The following AZI2 variants were observed in gnomAD, a reference collection of about 807,000 sequenced individuals.
AZI2 encodes the protein 5-azacytidine-induced protein 2.
A neutral mutation model predicts 45.8 loss-of-function variants in AZI2; 22 were observed. The ratio of observed to expected loss-of-function variants is 0.48; its 90% CI spans 0.34 to 0.69. The LOEUF (loss-of-function observed/expected upper bound fraction) is 0.69. AZI2 is among the 30% of genes least tolerant of loss of function. The probability of loss-of-function intolerance (pLI) is 0.01; values close to 1 mark genes in which losing one functional copy is unlikely to be tolerated. For missense variants in AZI2, 417 were observed against 441.5 expected, an observed-to-expected ratio of 0.94 and a Z score of 0.50; for synonymous variants, 137 against 156.7, an observed-to-expected ratio of 0.87 and a Z score of 0.94.
intron 5 of AZI2, among the ~76,000 whole-genome samples, chr3:28,335,996 T>C (rs200613285): frequency 2.5e-4 from 38 of 152,216 alleles, no homozygotes; most frequent in East Asian, 1.2e-3. Flanking sequence ...ATTTGGTGCA[T>C]TGCTCTCACA....
At chr3:28,335,764 G>T (rs1391102866) in intron 5 of AZI2, among the ~76,000 whole-genome samples, 1 of 152,040 alleles carries the variant, frequency 6.6e-6, no homozygotes, top group African/African-American at 2.4e-5. Flanking sequence ...CAGTCAGGAA[G>T]TATGGGATGG....
intron 1 of AZI2, among the ~76,000 whole-genome samples, chr3:28,344,919 A>G (rs1704167768): frequency 6.6e-6 from 1 of 152,128 alleles, no homozygotes; most frequent in African/African-American, 2.4e-5. Flanking sequence ...AACACTGTCC[A>G]AAGACAAGCT....
In AZI2 at chr3:28,323,323, T is replaced by C. The variant is rs1703248839; in HGVS notation, c.*719A>G. On this transcript the variant is annotated 3_prime_UTR_variant, in exon 8 of 8. Transcript: ENST00000479665. The stretch of plus-strand genomic sequence containing the variant: ...AATAGTGTGTAGGGTTACAATCATT[T>C]GTTTACACCCCAGAGTTTTTCAACT... The C allele has an allele frequency of 6.6e-6, 1 of 151,296 alleles. No individual in the cohort carries two copies. The highest frequency in any genetic ancestry group is 6.6e-5 in the Admixed American group (1 of 15,056). The allele number at this position is 151,296 out of a possible 1,614,324, so 9.4% of individuals were successfully genotyped here. A position where few individuals can be genotyped will look rare whatever the true frequency, so the allele number is the denominator to read the frequency against.
At position 28,324,281 on chromosome 3, in the gene AZI2, C is replaced by CTT; in HGVS notation, c.938_939dup (p.Ala314LysfsTer113). On this transcript the variant is annotated frameshift_variant, in exon 8 of 8. Transcript: ENST00000479665. LOFTEE classifies it high-confidence loss of function. ...TTGTCTGTCCATGATTGGAGGATTG[C>CTT]TTTCTCTGATAAAACCTTTACATCT... 2 of 1,608,678 alleles carry CTT rather than the reference C, an allele frequency of 1.2e-6. No homozygotes were observed. The highest frequency in any genetic ancestry group is 1.7e-6 in the Non-Finnish European group (2 of 1,176,394).
At chr3:28,331,839 A>G in intron 6 of AZI2, 1 of 1,542,702 alleles carries the variant, frequency 6.5e-7, no homozygotes, top group Non-Finnish European at 8.8e-7. Flanking sequence ...GGGTTGAAAA[A>G]GTATATGAAC....
intron 6 of AZI2, among the ~76,000 whole-genome samples, chr3:28,328,458 G>A (rs1190188616): frequency 1.3e-5 from 2 of 151,084 alleles, no homozygotes; most frequent in Non-Finnish European, 3.0e-5. Context: ...TTATTGGTGC[G>A]AGACAGTAAA....
intron 4 of AZI2, 24 bp downstream of exon 4, chr3:28,337,913 A>T: frequency 7.3e-7 from 1 of 1,376,630 alleles, no homozygotes; most frequent in African/African-American, 1.5e-5. Context: ...CTGTTAGAAT[A>T]TTTATAACAA....
intron 7 of AZI2, chr3:28,326,455 C>CT (rs1156720374): frequency 5.3e-6 from 1 of 187,478 alleles, no homozygotes; most frequent in African/African-American, 2.5e-5. Context: ...TTGGTGTATT[C>CT]TGTAGCACTG....
At chr3:28,331,536 G>A (rs1703569077) in intron 6 of AZI2, among the ~76,000 whole-genome samples, 1 of 151,458 alleles carries the variant, frequency 6.6e-6, no homozygotes, top group Admixed American at 6.6e-5. Context: ...GCCAACCCCT[G>A]ATCTAGAAGA....
intron 1 of AZI2, 94 bp downstream of exon 1, chr3:28,348,507 A>G (rs1165690762): frequency 6.6e-6 from 1 of 152,534 alleles, no homozygotes; most frequent in Non-Finnish European, 1.5e-5. Context: ...TGAGAAAAAA[A>G]TGACGTGTCT....
intron 4 of AZI2, 45 bp downstream of exon 4, chr3:28,337,892 A>T (rs1487431979): frequency 8.1e-7 from 1 of 1,236,456 alleles, no homozygotes; most frequent in Non-Finnish European, 1.1e-6. Context: ...AAATGGAAAA[A>T]TATGTTAATT....
chr3:28,346,801 G>A (rs1385873216), intron 1 of AZI2, among the ~76,000 whole-genome samples: 6 of 152,110 alleles, frequency 3.9e-5, no homozygotes, highest in Non-Finnish European at 7.4e-5. Flanking sequence ...ATAAAGAAGG[G>A]TCATCAAGTA....
intron 5 of AZI2, among the ~76,000 whole-genome samples, chr3:28,335,671 C>A (rs1703762520): frequency 6.6e-6 from 1 of 151,910 alleles, no homozygotes; most frequent in Non-Finnish European, 1.5e-5. Context: ...CGAGTGGTCA[C>A]CTCTCATAAA....
At position 28,321,229 on chromosome 3, in the gene AZI2, C is replaced by T. The variant is rs987685538; in HGVS notation, c.*2813G>A. ...AAACATGCCCATATTTCCACATTGA[C>T]CTTTGGTATTGGTGCATTTCCTAGA... On this transcript the variant is annotated 3_prime_UTR_variant, in exon 8 of 8. Transcript: ENST00000479665. 6.6e-6 allele frequency: 1 copy of T among 151,282 alleles called. No individual in the cohort carries two copies. Among genetic ancestry groups the T allele is most frequent in the Non-Finnish European group, 1.5e-5 (1 of 67,514 alleles). The allele number at this position is 151,282 out of a possible 1,614,324, so 9.4% of individuals were successfully genotyped here. A position where few individuals can be genotyped will look rare whatever the true frequency, so the allele number is the denominator to read the frequency against.
chr3:28,337,024 C>T, intron 4 of AZI2, 139 bp from the exon 5 acceptor site: 3 of 808,288 alleles, frequency 3.7e-6, no homozygotes, highest in Non-Finnish European at 3.7e-6. Flanking sequence ...TTTTTAAAAA[C>T]AGTAATTATT....
rs1209702014 is a variant in AZI2, at chr3:28,337,089, A to G, written c.440-204T>C. Reference sequence around the variant, plus strand: ...ATGAGAAATCTAGCAATCTTGTTTTAGAATTTCTAAAGACAACTACACTAA... The same window carrying G: ...ATGAGAAATCTAGCAATCTTGTTTTGGAATTTCTAAAGACAACTACACTAA... On this transcript the variant is annotated intron_variant, in intron 4 of 7. Coordinates refer to ENST00000479665, the MANE Select transcript of AZI2 (RefSeq NM_022461.5). The G allele has an allele frequency of 5.6e-6, 3 of 532,638 alleles. No individual in the cohort carries two copies. The African/African-American group carries it at 5.8e-5, about 10-fold the overall frequency. The allele number at this position is 532,638 out of a possible 1,614,324, so 33.0% of individuals were successfully genotyped here. A position where few individuals can be genotyped will look rare whatever the true frequency, so the allele number is the denominator to read the frequency against.
intron 7 of AZI2, among the ~76,000 whole-genome samples, chr3:28,325,837 A>C (rs545544098): frequency 1.1e-4 from 16 of 151,130 alleles, no homozygotes; most frequent in Admixed American, 3.3e-4. Flanking sequence ...CCAAAAATTA[A>C]GCTGGACTTG....
Position 28,336,885 on chromosome 3 carries a change from A to T in AZI2, c.440T>A (p.Val147Glu). 1.2e-6 allele frequency: 2 copies of T among 1,612,348 alleles called. No homozygotes were observed. Among genetic ancestry groups the T allele is most frequent in the Non-Finnish European group, 1.7e-6 (2 of 1,179,148 alleles). The change falls in exon 5 of 8, where the codon GTG (valine) becomes GAG (glutamate). Residue 147 changes from valine to glutamate, a missense_variant and splice_region_variant. Coordinates refer to ENST00000479665, the MANE Select transcript of AZI2 (RefSeq NM_022461.5). ...TGAAGGTGGATTTAAATTCCTCATC[A>T]CTACAAAAAGGATGGACACTGAAAT... is the stretch of plus-strand genomic sequence containing the variant. Reference protein sequence around the residue: ...QLRTEVETQQVMRNLNPPSSN... With the variant: ...QLRTEVETQQEMRNLNPPSSN...
rs1360863135 is a variant in AZI2, at chr3:28,346,793, AAAG to A, written c.-6+1805_-6+1807del. Among the ~76,000 whole-genome samples, 4 of 152,350 alleles carry A rather than the reference AAAG, an allele frequency of 2.6e-5. No individual in the cohort carries two copies. The South Asian group carries it at 6.2e-4, about 24-fold the overall frequency. On this transcript the variant is annotated intron_variant, in intron 1 of 7. Transcript: ENST00000479665. ...TTGTAAAATAGCCTAACTAGTTTAT[AAAG>A]AAGGGTCATCAAGTACCTCTTTTCA...
Sources: gnomAD v4.1 joint callset for allele counts (sites outside exome capture counted in the v4.1 genomes callset) on GRCh38, gnomAD v4.1.1 for gene constraint, MANE v1.5 for transcripts, NCBI Gene and HGNC (gene_info 2026-07-23, HGNC 2026-07-21) for gene names.